Variants in SH3GL2 observed in about 807,000 individuals in gnomAD.
SH3GL2 encodes the protein SH3 domain containing GRB2 like 2, endophilin A1.
In SH3GL2, 24 loss-of-function variants were observed where a neutral mutation model predicts 46.0. The observed-to-expected ratio is 0.52, with a 90% CI of 0.38 to 0.73. The LOEUF (loss-of-function observed/expected upper bound fraction) is 0.73, where lower values mean the gene tolerates loss of function less well. SH3GL2 is among the 30% of genes least tolerant of loss of function. The pLI is 0.00. For missense variants in SH3GL2, 413 were observed against 424.2 expected (o/e 0.97, Z 0.23); for synonymous variants, 196 against 147.1 (o/e 1.33, Z -2.40).
At chr9:17,723,889 A>G (rs899036985) in intron 1 of SH3GL2, among the ~76,000 whole-genome samples, 3 of 152,158 alleles carry the variant, frequency 2.0e-5, no homozygotes, top group Admixed American at 6.6e-5. Context: ...CCATCATTAC[A>G]TAATGAAATT....
At chr9:17,659,545 A>G (rs1820164671) in intron 1 of SH3GL2, among the ~76,000 whole-genome samples, 1 of 152,118 alleles carries the variant, frequency 6.6e-6, no homozygotes, top group Admixed American at 6.5e-5. Flanking sequence ...GTTAAACTCT[A>G]GATTGTCTCA....
chr9:17,694,645 T>A lies in SH3GL2; in HGVS notation c.46-52421T>A, dbSNP rs2118155598. On this transcript the variant is annotated intron_variant, in intron 1 of 8. Transcript: ENST00000380607. ...AGCAAATATTTGAGAGTGTGAATGG[T>A]ATAAGTTGAGGGTATGAATGTTGGA... 1.3e-5 allele frequency among the ~76,000 whole-genome samples: 2 copies of A among 152,202 alleles called. 1 individual carries two copies. The highest frequency in any genetic ancestry group is 6.8e-3 in the Middle Eastern group (2 of 294).
Position 17,796,083 on chromosome 9 carries a change from T to A in SH3GL2, c.*340T>A. ...AAAAACCATCCCACCGAAGATATTG[T>A]CTATCACCCCAGGGGCCATCTGAAG... On this transcript the variant is annotated 3_prime_UTR_variant, in exon 9 of 9. Transcript: ENST00000380607. 4.1e-6 allele frequency: 1 copy of A among 244,784 alleles called. No homozygotes were observed. The highest frequency in any genetic ancestry group is 8.0e-6 in the Non-Finnish European group (1 of 125,362). 15.2% of individuals were successfully genotyped at this position (244,784 alleles called of 1,614,324 possible). A position where few individuals can be genotyped will look rare whatever the true frequency, so the allele number is the denominator to read the frequency against.
intron 1 of SH3GL2, among the ~76,000 whole-genome samples, chr9:17,719,370 T>G (rs1402345555): frequency 6.6e-6 from 1 of 152,160 alleles, no homozygotes; most frequent in Non-Finnish European, 1.5e-5. Flanking sequence ...CTAATTCCAG[T>G]CAATGTTTTC....
At chr9:17,743,608 T>G (rs1822596437) in intron 1 of SH3GL2, among the ~76,000 whole-genome samples, 4 of 79,070 alleles carry the variant, frequency 5.1e-5, no homozygotes, top group East Asian at 1.6e-3. Flanking sequence ...ACACCCCAAA[T>G]AGTTAAAGCC....
At chr9:17,655,237 T>C (rs1348212691) in intron 1 of SH3GL2, among the ~76,000 whole-genome samples, 2 of 152,214 alleles carry the variant, frequency 1.3e-5, no homozygotes, top group African/African-American at 2.4e-5. Flanking sequence ...TTTCATTGTC[T>C]TGTCTTTTTG....
chr9:17,696,558 G>A lies in SH3GL2; in HGVS notation c.46-50508G>A, dbSNP rs111916377. Among the ~76,000 whole-genome samples the A allele has an allele frequency of 1.5e-3, 230 of 152,222 alleles. 3 individuals carry two copies. The highest frequency in any genetic ancestry group is 4.6e-3 in the African/African-American group (192 of 41,532). ...TGGCAAAAGGTGAAGGGGAAGAAAG[G>A]CACCTTCTTCACAGGGCGGTAGGAA... On this transcript the variant is annotated intron_variant, in intron 1 of 8. Transcript: ENST00000380607.
At chr9:17,774,750 T>C (rs1163957205) in intron 3 of SH3GL2, among the ~76,000 whole-genome samples, 1 of 152,172 alleles carries the variant, frequency 6.6e-6, no homozygotes, top group African/African-American at 2.4e-5. Context: ...TGGTCTGTAG[T>C]TGTCTTGTAG....
chr9:17,592,298 C>T (rs549374312), intron 1 of SH3GL2, among the ~76,000 whole-genome samples: 2 of 152,330 alleles, frequency 1.3e-5, no homozygotes, highest in South Asian at 4.1e-4. Context: ...CTTCTTTGCT[C>T]AGTCTACTGA....
intron 1 of SH3GL2, among the ~76,000 whole-genome samples, chr9:17,693,608 C>G (rs1196165336): frequency 6.6e-6 from 1 of 152,144 alleles, no homozygotes; most frequent in Non-Finnish European, 1.5e-5. Flanking sequence ...TGCCTTTATT[C>G]TGCCATTTTA....
At chr9:17,622,423 G>C (rs992088989) in intron 1 of SH3GL2, among the ~76,000 whole-genome samples, 2 of 152,140 alleles carry the variant, frequency 1.3e-5, no homozygotes, top group East Asian at 3.9e-4. Context: ...CTCTTAAGAG[G>C]CAGCATGATT....
At chr9:17,591,628 G>T (rs1243677175) in intron 1 of SH3GL2, among the ~76,000 whole-genome samples, 1 of 152,160 alleles carries the variant, frequency 6.6e-6, no homozygotes, top group East Asian at 1.9e-4. Flanking sequence ...TACTTGTATT[G>T]TGTAGTGCTG....
intron 1 of SH3GL2, among the ~76,000 whole-genome samples, chr9:17,688,301 A>T (rs1437783310): frequency 6.6e-6 from 1 of 152,038 alleles, no homozygotes; most frequent in Non-Finnish European, 1.5e-5. Context: ...TTTTCTGTTT[A>T]CGTAGTATTT....
intron 1 of SH3GL2, among the ~76,000 whole-genome samples, chr9:17,659,506 T>C (rs548174637): frequency 1.3e-5 from 2 of 152,252 alleles, no homozygotes; most frequent in Admixed American, 6.5e-5. Flanking sequence ...TGGAGAGATA[T>C]TAATGAATTT....
chr9:17,748,632 G>A (rs1254683346), intron 2 of SH3GL2, among the ~76,000 whole-genome samples: 1 of 151,994 alleles, frequency 6.6e-6, no homozygotes, highest in Non-Finnish European at 1.5e-5. Context: ...GTTTATTGAT[G>A]AATTCAATAA....
intron 2 of SH3GL2, among the ~76,000 whole-genome samples, chr9:17,757,113 A>T (rs527700498): frequency 6.6e-6 from 1 of 152,328 alleles, no homozygotes; most frequent in South Asian, 2.1e-4. Context: ...TGTTGGCTGC[A>T]TAAATGTCTT....
intron 1 of SH3GL2, among the ~76,000 whole-genome samples, chr9:17,724,940 G>A (rs984440805): frequency 3.9e-5 from 6 of 151,940 alleles, no homozygotes; most frequent in Non-Finnish European, 7.4e-5. Context: ...GGCTTTCACG[G>A]TTCAGGGAAT....
intron 1 of SH3GL2, among the ~76,000 whole-genome samples, chr9:17,607,268 A>G (rs944183345): frequency 1.3e-5 from 2 of 152,256 alleles, no homozygotes; most frequent in East Asian, 1.9e-4. Flanking sequence ...ATGAACCTGT[A>G]CAGCATATTA....
chr9:17,738,101 G>A (rs776502815), intron 1 of SH3GL2, among the ~76,000 whole-genome samples: 20 of 152,050 alleles, frequency 1.3e-4, no homozygotes, highest in East Asian at 3.9e-4. Flanking sequence ...CAAAACTGCA[G>A]GTTCCCAGAC....
Sources: gnomAD v4.1 joint callset for allele counts (sites outside exome capture counted in the v4.1 genomes callset) on GRCh38, gnomAD v4.1.1 for gene constraint, MANE v1.5 for transcripts, NCBI Gene and HGNC (gene_info 2026-07-23, HGNC 2026-07-21) for gene names.